NRG3: variants seen among roughly 807,000 people sequenced by gnomAD.
NRG3 encodes neuregulin 3.
NRG3 carries 31 observed loss-of-function variants against 66.9 expected under a neutral mutation model. The observed-to-expected ratio is 0.46, with a 90% confidence interval of 0.35 to 0.63. The LOEUF is 0.63. NRG3 is among the 20% of genes least tolerant of loss of function. The pLI is 0.00. For synonymous variants in NRG3, 393 were observed against 359.4 expected (o/e 1.09, Z -1.06); for missense variants, 910 against 878.9 (o/e 1.04, Z -0.45).
intron 1 of NRG3, among the ~76,000 whole-genome samples, chr10:82,052,574 T>C (rs2063654353): frequency 6.6e-6 from 1 of 152,194 alleles, no homozygotes; most frequent in Admixed American, 6.5e-5. Context: ...TCTATATTTG[T>C]TCCCTGATCT....
At chr10:82,481,184 A>G (rs1251263519) in intron 2 of NRG3, among the ~76,000 whole-genome samples, 2 of 152,084 alleles carry the variant, frequency 1.3e-5, no homozygotes. Context: ...TCTATCATAC[A>G]TTGTTTTTAT....
At chr10:82,476,571 G>C (rs1311463774) in intron 2 of NRG3, among the ~76,000 whole-genome samples, 3 of 152,152 alleles carry the variant, frequency 2.0e-5, no homozygotes, top group Non-Finnish European at 2.9e-5. Flanking sequence ...AATGCATCTT[G>C]AAGACATTAT....
intron 2 of NRG3, among the ~76,000 whole-genome samples, chr10:82,730,678 T>C (rs957838859): frequency 2.6e-5 from 4 of 152,210 alleles, no homozygotes; most frequent in Non-Finnish European, 4.4e-5. Context: ...CCTGTGTTAA[T>C]TAGTGTTCTT....
chr10:82,628,241 A>G (rs912355862), intron 2 of NRG3, among the ~76,000 whole-genome samples: 2 of 152,232 alleles, frequency 1.3e-5, no homozygotes, highest in Non-Finnish European at 2.9e-5. Flanking sequence ...TATTTTAGTT[A>G]TCAAAACATT....
chr10:81,890,730 C>T (rs1842944792), intron 1 of NRG3, among the ~76,000 whole-genome samples: 1 of 152,182 alleles, frequency 6.6e-6, no homozygotes, highest in Non-Finnish European at 1.5e-5. Context: ...TTGCTAGCTA[C>T]AGAGTGTCTT....
intron 1 of NRG3, among the ~76,000 whole-genome samples, chr10:82,083,334 T>A (rs1590045082): frequency 2.0e-5 from 3 of 152,146 alleles, no homozygotes; most frequent in African/African-American, 7.2e-5. Flanking sequence ...ATGTACATTA[T>A]AGGGAGGAGT....
chr10:81,902,316 G>A (rs563717544), intron 1 of NRG3, among the ~76,000 whole-genome samples: 56 of 152,272 alleles, frequency 3.7e-4, no homozygotes, highest in African/African-American at 1.3e-3. Flanking sequence ...TGCTAAGGAA[G>A]CCCTGGTGTA....
chr10:82,271,554 G>A (rs951206996), intron 1 of NRG3, among the ~76,000 whole-genome samples: 2 of 151,896 alleles, frequency 1.3e-5, no homozygotes, highest in South Asian at 2.1e-4. Flanking sequence ...TATATTCACC[G>A]TTAGTTATAC....
chr10:81,925,089 C>T (rs1371900112), intron 1 of NRG3, among the ~76,000 whole-genome samples: 1 of 152,162 alleles, frequency 6.6e-6, no homozygotes. Flanking sequence ...TGCTTCAGGT[C>T]TCAAAGAGCT....
At chr10:82,046,863 GATTAC>G (rs780131198) in intron 1 of NRG3, among the ~76,000 whole-genome samples, 46,378 of 133,782 alleles carry the variant, frequency 0.35, 9,299 homozygotes, top group South Asian at 0.47. Context: ...TTATATGCTG[GATTAC>G]ATTTATCGAT....
chr10:82,685,040 G>T (rs572669676), intron 2 of NRG3, among the ~76,000 whole-genome samples: 5 of 152,160 alleles, frequency 3.3e-5, no homozygotes, highest in Admixed American at 3.3e-4. Flanking sequence ...AGTCATCTAC[G>T]AAGTAAGAAG....
intron 2 of NRG3, among the ~76,000 whole-genome samples, chr10:82,556,540 C>T (rs2044666014): frequency 1.3e-5 from 2 of 151,816 alleles, no homozygotes; most frequent in South Asian, 2.1e-4. Flanking sequence ...TGGCATCTGC[C>T]CTTCTTCTCT....
intron 3 of NRG3, among the ~76,000 whole-genome samples, chr10:82,759,662 G>A (rs568810515): frequency 3.3e-5 from 5 of 152,268 alleles, no homozygotes; most frequent in African/African-American, 4.8e-5. Context: ...CACCAGTGGT[G>A]ATATCCTTAG....
At chr10:82,389,657 TGAA>T (rs1030503530) in intron 2 of NRG3, among the ~76,000 whole-genome samples, 7 of 152,192 alleles carry the variant, frequency 4.6e-5, no homozygotes, top group African/African-American at 1.4e-4. Context: ...ATTAATAAAA[TGAA>T]GACACATTTT....
chr10:82,138,896 G>A (rs1246137869), intron 1 of NRG3, among the ~76,000 whole-genome samples: 1 of 152,038 alleles, frequency 6.6e-6, no homozygotes, highest in Non-Finnish European at 1.5e-5. Flanking sequence ...AGCCTTGTGG[G>A]CAGCTGATTA....
intron 1 of NRG3, among the ~76,000 whole-genome samples, chr10:81,923,786 G>A (rs1220168904): frequency 6.6e-6 from 1 of 152,110 alleles, no homozygotes; most frequent in Non-Finnish European, 1.5e-5. Context: ...TGTTCAGACT[G>A]TGGTATAGCC....
intron 4 of NRG3, among the ~76,000 whole-genome samples, chr10:82,945,456 A>G (rs746090856): frequency 1.3e-5 from 2 of 152,176 alleles, no homozygotes; most frequent in Non-Finnish European, 2.9e-5. Flanking sequence ...TGGGTACTTT[A>G]TTTTGAAAAA....
At chr10:82,775,164 C>T (rs1271254794) in intron 3 of NRG3, among the ~76,000 whole-genome samples, 3 of 150,270 alleles carry the variant, frequency 2.0e-5, no homozygotes, top group East Asian at 1.9e-4. Flanking sequence ...GGTTTAGTTT[C>T]GCTTCTTCAC....
intron 2 of NRG3, among the ~76,000 whole-genome samples, chr10:82,723,195 T>C (rs2057404145): frequency 1.3e-5 from 2 of 152,192 alleles, no homozygotes; most frequent in South Asian, 4.1e-4. Flanking sequence ...GAGGCCATTA[T>C]CCTAAGCAAA....
Sources: gnomAD v4.1 joint callset for allele counts (sites outside exome capture counted in the v4.1 genomes callset) on GRCh38, gnomAD v4.1.1 for gene constraint, MANE v1.5 for transcripts, NCBI Gene and HGNC (gene_info 2026-07-23, HGNC 2026-07-21) for gene names.